PLCH1: variants seen among roughly 807,000 people sequenced by gnomAD.
The protein encoded by PLCH1 is 1-phosphatidylinositol 4,5-bisphosphate phosphodiesterase eta-1.
PLCH1 carries 60 observed loss-of-function variants against 126.7 expected under a neutral mutation model. The observed-to-expected ratio is 0.47, with a 90% confidence interval of 0.38 to 0.59. The LOEUF (loss-of-function observed/expected upper bound fraction) is 0.59, where lower values mean the gene tolerates loss of function less well. Among genes scored for constraint, PLCH1 ranks in the 20% least tolerant of loss-of-function variants. The pLI is 0.00. For synonymous variants in PLCH1, 719 were observed against 734.9 expected (o/e 0.98, Z 0.35); for missense variants, 1,723 against 2,040.0 (o/e 0.84, Z 2.99).
intron 1 of PLCH1, among the ~76,000 whole-genome samples, chr3:155,730,676 G>A (rs1443118059): frequency 2.6e-5 from 4 of 152,174 alleles, no homozygotes; most frequent in South Asian, 4.1e-4. Context: ...AAAGAAGAGC[G>A]AGATGGCAAA....
chr3:155,471,976 G>A (rs1713272189), intron 21 of PLCH1, among the ~76,000 whole-genome samples: 1 of 152,110 alleles, frequency 6.6e-6, no homozygotes, highest in Middle Eastern at 3.4e-3. Context: ...GAGAAAGCAG[G>A]AAAGATCCAA....
intron 6 of PLCH1, among the ~76,000 whole-genome samples, chr3:155,569,194 G>T (rs1728899688): frequency 6.6e-6 from 1 of 152,084 alleles, no homozygotes; most frequent in Admixed American, 6.5e-5. Flanking sequence ...CATTAAGAAT[G>T]TGATATTTTG....
At chr3:155,676,022 C>T (rs1744050645) in intron 2 of PLCH1, 6 of 1,538,478 alleles carry the variant, frequency 3.9e-6, no homozygotes, top group Non-Finnish European at 5.3e-6. Context: ...AGTTTTTATA[C>T]ACTTCAAGGT....
rs140792504 is a variant in PLCH1 at position 155,609,045 on chromosome 3, G to A, written c.80-12667C>T. ...CATACTGGCTAACCAGAGGTCCTGAGTATGTCCACATGACAATTTCACTGC... is the reference window on the plus strand; with the variant it reads ...CATACTGGCTAACCAGAGGTCCTGAATATGTCCACATGACAATTTCACTGC... On this transcript the variant is annotated intron_variant, in intron 2 of 22. Transcript: ENST00000460012. Among the ~76,000 whole-genome samples, 772 of 152,312 alleles carry A rather than the reference G, an allele frequency of 5.1e-3. 8 individuals carry two copies. Among genetic ancestry groups the A allele is most frequent in the African/African-American group, 0.018 (736 of 41,568 alleles).
intron 2 of PLCH1, among the ~76,000 whole-genome samples, chr3:155,649,447 G>C (rs771343679): frequency 2.1e-4 from 32 of 152,156 alleles, no homozygotes; most frequent in Non-Finnish European, 4.1e-4. Flanking sequence ...CCTTCAGGCA[G>C]GGTGTGCACA....
rs1169190317 is a variant in PLCH1 at position 155,469,572 on chromosome 3, C to T, written c.2938+15784G>A. On this transcript the variant is annotated intron_variant, in intron 21 of 21. Transcript: ENST00000494598. ...GGAAGCTCAAACTGGGTGGAGCCCA[C>T]CACAGCTCAAGGAGGCCTGCCTGCA... Among the ~76,000 whole-genome samples the T allele has an allele frequency of 2.0e-5, 3 of 152,296 alleles. No homozygotes were observed. The East Asian group carries it at 5.8e-4, about 29-fold the overall frequency.
intron 2 of PLCH1, among the ~76,000 whole-genome samples, chr3:155,620,396 C>A (rs1736317433): frequency 6.6e-6 from 1 of 152,200 alleles, no homozygotes; most frequent in Middle Eastern, 3.4e-3. Context: ...CTGAGATTAC[C>A]CTATGATTGG....
intron 6 of PLCH1, among the ~76,000 whole-genome samples, chr3:155,581,446 C>T (rs1432451843): frequency 6.6e-6 from 1 of 152,128 alleles, no homozygotes; most frequent in Non-Finnish European, 1.5e-5. Flanking sequence ...TATAGTCATA[C>T]AACGATATAT....
chr3:155,611,827 C>T (rs76113044), intron 2 of PLCH1, among the ~76,000 whole-genome samples: 6,819 of 152,166 alleles, frequency 0.045, 211 homozygotes, highest in Non-Finnish European at 0.068. Flanking sequence ...CTTTAAACCA[C>T]AATGGAATAA....
At chr3:155,707,588 C>T (rs1746773865) in intron 1 of PLCH1, among the ~76,000 whole-genome samples, 2 of 151,632 alleles carry the variant, frequency 1.3e-5, no homozygotes, top group Admixed American at 6.6e-5. Flanking sequence ...ACTCGGGAGG[C>T]TGAGGCAGGA....
chr3:155,607,289 T>C (rs975332548), intron 2 of PLCH1, among the ~76,000 whole-genome samples: 1 of 152,198 alleles, frequency 6.6e-6, no homozygotes, highest in African/African-American at 2.4e-5. Flanking sequence ...TGTGTATTTA[T>C]ATGCGTTGCC....
At chr3:155,644,777 G>A (rs995816514) in intron 2 of PLCH1, among the ~76,000 whole-genome samples, 6 of 152,160 alleles carry the variant, frequency 3.9e-5, no homozygotes, top group Admixed American at 2.0e-4. Context: ...ATCTGAACAA[G>A]TGAAAAATAT....
intron 21 of PLCH1, among the ~76,000 whole-genome samples, chr3:155,469,192 A>G (rs537141049): frequency 1.3e-5 from 2 of 152,278 alleles, no homozygotes; most frequent in South Asian, 4.2e-4. Flanking sequence ...GGAGTTACAG[A>G]CAGTGGGCAC....
chr3:155,509,265 C>T (rs1719131276), intron 12 of PLCH1, among the ~76,000 whole-genome samples: 2 of 120,906 alleles, frequency 1.7e-5, no homozygotes, highest in African/African-American at 8.7e-5. Context: ...ATTAGTCTTG[C>T]TAGCGGTCTA....
At chr3:155,625,906 T>C (rs1737181656) in intron 2 of PLCH1, among the ~76,000 whole-genome samples, 1 of 152,156 alleles carries the variant, frequency 6.6e-6, no homozygotes, top group Admixed American at 6.6e-5. Context: ...TATAAATCAT[T>C]CTACTATAGA....
At chr3:155,593,876 A>G in intron 4 of PLCH1, 65 bp downstream of exon 4, 1 of 1,509,876 alleles carries the variant, frequency 6.6e-7, no homozygotes, top group African/African-American at 1.4e-5. Flanking sequence ...TCCTTACTTC[A>G]CAAATGCACA....
intron 2 of PLCH1, among the ~76,000 whole-genome samples, chr3:155,655,477 G>T (rs1172469383): frequency 6.6e-6 from 1 of 151,606 alleles, no homozygotes; most frequent in Non-Finnish European, 1.5e-5. Flanking sequence ...TTCCCCTTTA[G>T]TCGCTATTTG....
At chr3:155,683,968 G>A (rs1052626096) in intron 2 of PLCH1, among the ~76,000 whole-genome samples, 2 of 152,048 alleles carry the variant, frequency 1.3e-5, no homozygotes, top group Admixed American at 1.3e-4. Context: ...AGCTAAATGA[G>A]GACTGTTTGG....
At chr3:155,660,303 C>T (rs1741979063) in intron 2 of PLCH1, among the ~76,000 whole-genome samples, 1 of 152,226 alleles carries the variant, frequency 6.6e-6, no homozygotes, top group Non-Finnish European at 1.5e-5. Flanking sequence ...CCAACCTATT[C>T]TCTCTCCAAG....
Sources: allele counts gnomAD v4.1 joint callset (sites outside exome capture counted in the v4.1 genomes callset), GRCh38; gene constraint gnomAD v4.1.1; transcripts MANE v1.5; gene names NCBI Gene and HGNC (gene_info 2026-07-23, HGNC 2026-07-21).